LANCL2: variants seen among roughly 807,000 people sequenced by gnomAD.
LANCL2 encodes LanC like glutathione S-transferase 2, also known as lanC-like protein 2.
Under a neutral mutation model 56.9 loss-of-function variants are expected in LANCL2, and 33 were observed. The ratio of observed to expected loss-of-function variants is 0.58; its 90% CI spans 0.44 to 0.78. LANCL2 has a LOEUF of 0.78. Ranked by LOEUF, LANCL2 falls within the 30% of genes least tolerant of loss-of-function variation. The pLI, the probability that LANCL2 is intolerant of heterozygous loss-of-function variation, is 0.00. For synonymous variants in LANCL2, 233 were observed against 228.2 expected (o/e 1.02, Z -0.19); for missense variants, 562 against 580.2 (o/e 0.97, Z 0.32).
At chr7:55,426,510 C>T (rs530187961) in intron 7 of LANCL2, among the ~76,000 whole-genome samples, 1 of 152,330 alleles carries the variant, frequency 6.6e-6, no homozygotes, top group East Asian at 1.9e-4. Flanking sequence ...GAAGACTTCT[C>T]AACCCCAGTG....
At chr7:55,396,198 C>T (rs1434613766) in intron 2 of LANCL2, among the ~76,000 whole-genome samples, 4 of 151,928 alleles carry the variant, frequency 2.6e-5, no homozygotes, top group Non-Finnish European at 5.9e-5. Context: ...GGGACCCAGT[C>T]ATAGGGGGCT....
At chr7:55,396,861 C>T (rs1790259643) in intron 2 of LANCL2, 1 of 152,104 alleles carries the variant, frequency 6.6e-6, no homozygotes, top group African/African-American at 2.4e-5. Context: ...ATTTGTAAGC[C>T]TTTATAGTGA....
intron 1 of LANCL2, among the ~76,000 whole-genome samples, chr7:55,380,541 A>G (rs1021038353): frequency 3.3e-5 from 5 of 152,144 alleles, no homozygotes; most frequent in Non-Finnish European, 7.4e-5. Flanking sequence ...AAAAGCAACT[A>G]CTCAAAGGCA....
intron 2 of LANCL2, 59 bp from the exon 3 acceptor site, chr7:55,398,364 C>A: frequency 1.6e-6 from 2 of 1,254,132 alleles, no homozygotes; most frequent in Non-Finnish European, 2.3e-6. Flanking sequence ...TAAATAATGT[C>A]CTGAAGATAA....
chr7:55,399,547 T>C (rs1045998871), intron 3 of LANCL2, among the ~76,000 whole-genome samples: 1 of 152,192 alleles, frequency 6.6e-6, no homozygotes, highest in African/African-American at 2.4e-5. Context: ...TTCACCATGT[T>C]GGTCAGGCTG....
In LANCL2 at chr7:55,366,043, A is replaced by G. The variant is rs2128990281; in HGVS notation, c.18A>G (p.Ser6=). Residue 6 remains serine (S), a synonymous_variant, in exon 1 of 9, where the codon TCA becomes TCG. Coordinates refer to ENST00000254770, the MANE Select transcript of LANCL2 (RefSeq NM_018697.4). ...CGGCGGAGATGGGCGAGACCATGTCAAAGAGGCTGAAGCTCCACCTGGGAG... is the reference window on the plus strand; with the variant it reads ...CGGCGGAGATGGGCGAGACCATGTCGAAGAGGCTGAAGCTCCACCTGGGAG... MGETM[S]KRLKLHLGGE... 2.0e-6 allele frequency: 3 copies of G among 1,502,078 alleles called. No homozygotes were observed. The highest frequency in any genetic ancestry group is 2.5e-5 in the South Asian group (2 of 80,108). 93.0% of individuals were successfully genotyped at this position (1,502,078 alleles called of 1,614,324 possible).
intron 6 of LANCL2, among the ~76,000 whole-genome samples, chr7:55,416,976 T>TTTTTG: frequency 1.5e-5 from 2 of 130,476 alleles, no homozygotes; most frequent in African/African-American, 6.2e-5. Context: ...GTGGTTTTTT[T>TTTTTG]TTTTTTTTTT....
At chr7:55,369,756 G>A (rs552128716) in intron 1 of LANCL2, among the ~76,000 whole-genome samples, 18 of 152,304 alleles carry the variant, frequency 1.2e-4, no homozygotes, top group African/African-American at 4.3e-4. Flanking sequence ...GTACCATGCA[G>A]AGTTTAATAG....
intron 7 of LANCL2, among the ~76,000 whole-genome samples, chr7:55,427,050 C>T (rs1790671785): frequency 6.6e-6 from 1 of 152,186 alleles, no homozygotes; most frequent in African/African-American, 2.4e-5. Context: ...AGAGCACGAA[C>T]CAGCTCTGTG....
intron 5 of LANCL2, among the ~76,000 whole-genome samples, chr7:55,405,476 C>A (rs1421527482): frequency 1.3e-5 from 2 of 149,240 alleles, no homozygotes; most frequent in Admixed American, 1.3e-4. Context: ...AATGTTTTAA[C>A]AGTGGTTCAG....
intron 1 of LANCL2, among the ~76,000 whole-genome samples, chr7:55,380,094 G>A (rs1790049518): frequency 6.6e-6 from 1 of 152,192 alleles, no homozygotes; most frequent in Admixed American, 6.5e-5. Flanking sequence ...TTAATGAAAA[G>A]ATACAATTTT....
chr7:55,416,808 T>C (rs796629950), intron 6 of LANCL2, among the ~76,000 whole-genome samples: 3 of 152,186 alleles, frequency 2.0e-5, no homozygotes, highest in African/African-American at 7.2e-5. Context: ...GTTTTCTTTT[T>C]ATGATAATTA....
intron 1 of LANCL2, among the ~76,000 whole-genome samples, chr7:55,388,206 CT>C (rs1415146327): frequency 6.6e-6 from 1 of 152,126 alleles, no homozygotes; most frequent in African/African-American, 2.4e-5. Flanking sequence ...GACTTTTTCT[CT>C]TTTAAGGCTC....
intron 6 of LANCL2, among the ~76,000 whole-genome samples, chr7:55,416,504 C>G (rs573967696): frequency 6.6e-6 from 1 of 152,254 alleles, no homozygotes; most frequent in East Asian, 1.9e-4. Flanking sequence ...TGGTTTCGAA[C>G]TCGTGGACTC....
At chr7:55,379,113 G>C (rs944810112) in intron 1 of LANCL2, among the ~76,000 whole-genome samples, 5 of 152,198 alleles carry the variant, frequency 3.3e-5, no homozygotes. Flanking sequence ...TCACGCCACT[G>C]CACTCCAGCC....
Position 55,366,215 on chromosome 7 carries a change from C to T in LANCL2, c.190C>T (p.His64Tyr), listed in dbSNP as rs537364684. The change falls in exon 1 of 9, where the codon CAT becomes TAT. Residue 64 changes from histidine to tyrosine, a missense_variant. Physicochemically the swap from His to Tyr is moderately conservative, Grantham distance 83 (BLOSUM62 2). Transcript: ENST00000254770. ...ATTDEPGLPF[H>Y]QDGKIIHNFI... ...CACGGATGAGCCCGGCCTCCCTTTT[C>T]ATCAGGACGGGAAGGTGAGTCGGCG... 58 of 1,536,842 alleles carry T rather than the reference C, an allele frequency of 3.8e-5. 1 individual carries two copies. In the South Asian group the frequency reaches 5.4e-4, roughly 14 times the overall value.
chr7:55,395,115 G>A (rs1419994893), intron 2 of LANCL2, among the ~76,000 whole-genome samples: 4 of 152,122 alleles, frequency 2.6e-5, no homozygotes, highest in African/African-American at 7.2e-5. Context: ...GACACTGTTG[G>A]GATAAAAGTT....
chr7:55,398,949 A>G (rs778013427), intron 3 of LANCL2, among the ~76,000 whole-genome samples: 3 of 152,190 alleles, frequency 2.0e-5, no homozygotes, highest in Non-Finnish European at 4.4e-5. Context: ...GTTAGGTTCA[A>G]CCCTTAAGTA....
intron 1 of LANCL2, among the ~76,000 whole-genome samples, chr7:55,369,327 T>G (rs1229457857): frequency 1.3e-5 from 2 of 152,216 alleles, no homozygotes; most frequent in Non-Finnish European, 2.9e-5. Context: ...ACCAACACAA[T>G]AACATTTTAT....
Sources: allele counts gnomAD v4.1 joint callset (sites outside exome capture counted in the v4.1 genomes callset), GRCh38; gene constraint gnomAD v4.1.1; transcripts MANE v1.5; gene names NCBI Gene and HGNC (gene_info 2026-07-23, HGNC 2026-07-21).